TRIO: variants seen among roughly 807,000 people sequenced by gnomAD.
TRIO encodes triple functional domain protein.
TRIO carries 58 observed loss-of-function variants against 351.9 expected under a neutral mutation model. The observed-to-expected ratio is 0.16, with a 90% CI of 0.13 to 0.21. TRIO has a LOEUF of 0.21. TRIO is among the 10% of genes least tolerant of loss of function. The pLI is 1.00. For synonymous variants in TRIO, 1,758 were observed against 1,595.7 expected, an observed-to-expected ratio of 1.10 and a Z score of -2.42; for missense variants, 3,201 against 4,027.8, an observed-to-expected ratio of 0.79 and a Z score of 5.56.
chr5:14,324,144 TTAATTTTGG>T (rs1486777707), intron 9 of TRIO, among the ~76,000 whole-genome samples: 1 of 152,208 alleles, frequency 6.6e-6, no homozygotes, highest in Non-Finnish European at 1.5e-5. Flanking sequence ...AACCAGGTTG[TTAATTTTGG>T]TTTTATAGAG....
At chr5:14,224,098 GTTTAAT>G (rs1792826266) in intron 1 of TRIO, among the ~76,000 whole-genome samples, 1 of 152,000 alleles carries the variant, frequency 6.6e-6, no homozygotes, top group Non-Finnish European at 1.5e-5. Context: ...AGAATTTTAT[GTTTAAT>G]TTTATTTAAT....
chr5:14,152,183 G>C (rs938826514), intron 1 of TRIO, among the ~76,000 whole-genome samples: 1 of 152,168 alleles, frequency 6.6e-6, no homozygotes, highest in African/African-American at 2.4e-5. Context: ...TTTCTCATTT[G>C]TAGGTGGCTT....
At chr5:14,468,347 G>C (rs1415306632) in intron 37 of TRIO, among the ~76,000 whole-genome samples, 3 of 152,236 alleles carry the variant, frequency 2.0e-5, no homozygotes, top group Non-Finnish European at 4.4e-5. Context: ...TCATTACGGT[G>C]AGTTCCACCA....
chr5:14,392,301 G>A (rs1243548207), intron 27 of TRIO, among the ~76,000 whole-genome samples: 1 of 150,580 alleles, frequency 6.6e-6, no homozygotes, highest in Non-Finnish European at 1.5e-5. Context: ...TTCAAAAGAA[G>A]ACATTTATGC....
intron 1 of TRIO, among the ~76,000 whole-genome samples, chr5:14,233,252 A>C (rs1265894665): frequency 6.6e-6 from 1 of 150,388 alleles, no homozygotes; most frequent in Non-Finnish European, 1.5e-5. Context: ...AAGCCAAGGC[A>C]AGTGGATCAC....
chr5:14,327,720 C>G (rs1237890358), intron 9 of TRIO, among the ~76,000 whole-genome samples: 1 of 152,132 alleles, frequency 6.6e-6, no homozygotes, highest in Non-Finnish European at 1.5e-5. Flanking sequence ...GGCAGGTGAA[C>G]TGTAGCAGAG....
intron 32 of TRIO, chr5:14,406,222 C>T: frequency 3.1e-6 from 2 of 635,986 alleles, no homozygotes; most frequent in South Asian, 4.2e-5. Context: ...CATTGTTTTG[C>T]CTTTCTCACC....
chr5:14,321,449 T>C (rs1445986709), intron 9 of TRIO, among the ~76,000 whole-genome samples: 1 of 152,220 alleles, frequency 6.6e-6, no homozygotes, highest in Non-Finnish European at 1.5e-5. Flanking sequence ...GTGTGTGACT[T>C]CTGAACAGCA....
rs561947751 is a variant in TRIO at position 14,378,188 on chromosome 5, A to C, written c.3447+61A>C. 6.4e-6 allele frequency: 8 copies of C among 1,257,360 alleles called. No individual in the cohort carries two copies. The African/African-American group carries it at 1.2e-4, about 18-fold the overall frequency. The allele number at this position is 1,257,360 out of a possible 1,614,324, so 77.9% of individuals were successfully genotyped here. A position where few individuals can be genotyped will look rare whatever the true frequency, so the allele number is the denominator to read the frequency against. On this transcript the variant is annotated intron_variant, in intron 20 of 56. Coordinates refer to ENST00000344204, the MANE Select transcript of TRIO (RefSeq NM_007118.4). ...CTCCCGTGCTCACACCTGTCTCCAC[A>C]GAGAGGCTGAGCTTGACATTTCCGC...
chr5:14,492,300 C>T (rs913850334), intron 48 of TRIO: 1 of 490,992 alleles, frequency 2.0e-6, no homozygotes. Flanking sequence ...GTGGAACGAG[C>T]TTCCAAAACC....
Position 14,420,189 on chromosome 5 carries a change from G to T in TRIO, c.5203+168G>T, listed in dbSNP as rs1196039815. On this transcript the variant is annotated intron_variant, in intron 34 of 56. Transcript: ENST00000344204. The stretch of plus-strand genomic sequence containing the variant: ...CATTTCCAGTCCATCAGCACCTGAA[G>T]AGGAAATGAGGATTTCACCCACGAC... 3.0e-6 allele frequency: 3 copies of T among 1,001,008 alleles called. No individual in the cohort carries two copies. In the South Asian group the frequency reaches 5.1e-5, roughly 17 times the overall value. 62.0% of individuals were successfully genotyped at this position (1,001,008 alleles called of 1,614,324 possible).
At chr5:14,427,191 C>G (rs1750716981) in intron 34 of TRIO, among the ~76,000 whole-genome samples, 2 of 152,126 alleles carry the variant, frequency 1.3e-5, no homozygotes, top group South Asian at 4.1e-4. Flanking sequence ...CCTCCTCACC[C>G]CACCCCTTTC....
intron 34 of TRIO, among the ~76,000 whole-genome samples, chr5:14,458,093 G>C (rs773561938): frequency 2.0e-5 from 3 of 147,966 alleles, no homozygotes; most frequent in Non-Finnish European, 4.5e-5. Context: ...GCAGAGCTCC[G>C]TGGTGACACC....
chr5:14,345,887 T>G (rs1044720663), intron 11 of TRIO, among the ~76,000 whole-genome samples: 1 of 152,264 alleles, frequency 6.6e-6, no homozygotes, highest in Admixed American at 6.5e-5. Context: ...TATGATTCTC[T>G]ATTTCTTATT....
In TRIO at chr5:14,400,046, C is replaced by CT. The variant is rs1306234156; in HGVS notation, c.4615-916dup. 3.9e-5 allele frequency among the ~76,000 whole-genome samples: 6 copies of CT among 152,190 alleles called. 1 individual carries two copies. The highest frequency in any genetic ancestry group is 8.8e-5 in the Non-Finnish European group (6 of 68,042). On this transcript the variant is annotated intron_variant, in intron 30 of 56. Coordinates refer to ENST00000344204, the MANE Select transcript of TRIO (RefSeq NM_007118.4). ...AAATGTCCCCGAGTATGGAAATCAT[C>CT]TGAGTAATAATCTGGAATTCACAGG...
chr5:14,466,649 A>T (rs1754283157), intron 37 of TRIO, among the ~76,000 whole-genome samples: 1 of 152,204 alleles, frequency 6.6e-6, no homozygotes, highest in South Asian at 2.1e-4. Flanking sequence ...GCTCCTCCCA[A>T]AGTAAAAGCC....
chr5:14,382,630 G>A (rs371173479), intron 21 of TRIO, among the ~76,000 whole-genome samples: 3 of 152,370 alleles, frequency 2.0e-5, no homozygotes, highest in African/African-American at 7.2e-5. Flanking sequence ...CCTGCAGGGA[G>A]GGATCATGGC....
chr5:14,424,497 A>G (rs929497532), intron 34 of TRIO, among the ~76,000 whole-genome samples: 2 of 152,226 alleles, frequency 1.3e-5, no homozygotes, highest in African/African-American at 4.8e-5. Flanking sequence ...TTAAAGGGAA[A>G]AAAAACATGA....
Position 14,290,947 on chromosome 5 carries a change from G to A in TRIO, c.772G>A (p.Glu258Lys), listed in dbSNP as rs1736852365. The change falls in exon 5 of 57, where the codon GAG (glutamate) becomes AAG (lysine). Residue 258 changes from glutamate (E) to lysine (K), a missense_variant. Physicochemically the swap from Glu to Lys is moderately conservative, Grantham distance 56. This residue lies in a region of TRIO where 349 missense variants were observed against 449.3 expected (regional missense o/e 0.78). Transcript: ENST00000344204. Reference sequence around the variant, plus strand: ...TTTAGAGGGGGCTCGGAATATGATCGAGGAACATTCTCAGCTGAAGAAGAA... The same window carrying A: ...TTTAGAGGGGGCTCGGAATATGATCAAGGAACATTCTCAGCTGAAGAAGAA... Reference protein sequence around the residue: ...QDLEGARNMIEEHSQLKKKVI... With the variant: ...QDLEGARNMIKEHSQLKKKVI... 3 of 1,614,052 alleles carry A rather than the reference G, an allele frequency of 1.9e-6. No individual in the cohort carries two copies. Among genetic ancestry groups the A allele is most frequent in the African/African-American group, 2.7e-5 (2 of 74,924 alleles).
Sources: allele counts gnomAD v4.1 joint callset (sites outside exome capture counted in the v4.1 genomes callset), GRCh38; gene constraint gnomAD v4.1.1; regional missense constraint gnomAD v4.1.1; transcripts MANE v1.5; gene names NCBI Gene and HGNC (gene_info 2026-07-23, HGNC 2026-07-21).